DMD: variants seen among roughly 807,000 people sequenced by gnomAD.
DMD encodes mutant dystrophin.
In DMD, 63 loss-of-function variants were observed where a neutral mutation model predicts 330.1. The observed-to-expected ratio is 0.19, with a 90% CI of 0.16 to 0.24. The LOEUF is 0.24. DMD is among the 10% of genes least tolerant of loss of function. DMD has a pLI of 1.00. For missense variants in DMD, 3,344 were observed against 2,684.1 expected (o/e 1.25, Z -5.43); for synonymous variants, 1,223 against 959.8 (o/e 1.27, Z -5.07).
At chrX:32,374,945 A>T (rs1376262735) in intron 34 of DMD, among the ~76,000 whole-genome samples, 1 of 111,941 alleles carries the variant, frequency 8.9e-6, no homozygotes, top group Non-Finnish European at 1.9e-5. Context: ...TCTTGTTTAC[A>T]AAAAGGGAAA....
At chrX:32,353,815 C>A (rs1040822184) in intron 37 of DMD, among the ~76,000 whole-genome samples, 2 of 110,317 alleles carry the variant, frequency 1.8e-5, no homozygotes, top group African/African-American at 6.6e-5. Flanking sequence ...ACAGAGAAAC[C>A]GAGAAAGACA....
intron 50 of DMD, among the ~76,000 whole-genome samples, chrX:31,815,318 C>T (rs745747632): frequency 2.2e-4 from 24 of 111,081 alleles, no homozygotes; most frequent in African/African-American, 6.9e-4. Flanking sequence ...GGCGTGGTGG[C>T]GGGTGCCTAT....
At chrX:33,009,835 TATGTGTATATAC>T (rs1180814171) in intron 2 of DMD, among the ~76,000 whole-genome samples, 2 of 44,487 alleles carry the variant, frequency 4.5e-5, no homozygotes, top group African/African-American at 1.9e-4. Context: ...TATGTGTGTA[TATGTGTATATAC>T]ACACATATGT....
chrX:31,203,269 G>A (rs1345246687), intron 67 of DMD, among the ~76,000 whole-genome samples: 4 of 80,923 alleles, frequency 4.9e-5, no homozygotes, highest in Non-Finnish European at 6.6e-5. Flanking sequence ...GTGACAGAGC[G>A]AGACTGCAAC....
At position 32,452,774 on chromosome X, in the gene DMD, T is replaced by C. The variant is rs1227002431; in HGVS notation, c.3603+1888A>G. On this transcript the variant is annotated intron_variant, in intron 26 of 78. Transcript: ENST00000357033. ...GTCTTTTGAAATACTCCAATGGTTT[T>C]TCTTGTCCATTTAGAATAAAAACTG... 3.6e-5 allele frequency among the ~76,000 whole-genome samples: 4 copies of C among 111,117 alleles called. No individual in the cohort carries two copies. The Admixed American group carries it at 3.8e-4, about 11-fold the overall frequency.
At chrX:32,225,920 G>T (rs979233255) in intron 43 of DMD, among the ~76,000 whole-genome samples, 1 of 111,610 alleles carries the variant, frequency 9.0e-6, no homozygotes, top group East Asian at 2.8e-4. Flanking sequence ...TTATAGCAAT[G>T]CAAGAATGGC....
At chrX:32,102,987 A>G (rs1056632029) in intron 44 of DMD, among the ~76,000 whole-genome samples, 4 of 111,983 alleles carry the variant, frequency 3.6e-5, no homozygotes, top group Non-Finnish European at 7.5e-5. Context: ...TATAATTTAG[A>G]GAAACTATTT....
chrX:32,477,479 G>A (rs758771492), intron 21 of DMD, among the ~76,000 whole-genome samples: 2 of 110,370 alleles, frequency 1.8e-5, no homozygotes, highest in South Asian at 7.7e-4. Context: ...AGGGGCTAAA[G>A]GGAAAAGAAG....
At chrX:32,065,215 C>G (rs1262719682) in intron 44 of DMD, among the ~76,000 whole-genome samples, 1 of 111,039 alleles carries the variant, frequency 9.0e-6, no homozygotes, top group Non-Finnish European at 1.9e-5. Context: ...TAAATCACAC[C>G]ACAGGAACAT....
At chrX:33,104,423 G>T (rs1350762012) in intron 1 of DMD, among the ~76,000 whole-genome samples, 1 of 110,692 alleles carries the variant, frequency 9.0e-6, no homozygotes, top group Admixed American at 9.7e-5. Context: ...AGTGAAAATG[G>T]CCTGTTCCTG....
At chrX:31,900,421 C>T (rs2094406181) in intron 47 of DMD, among the ~76,000 whole-genome samples, 1 of 111,170 alleles carries the variant, frequency 9.0e-6, no homozygotes, top group Non-Finnish European at 1.9e-5. Context: ...TCCAAAAGCT[C>T]TCTCTTTGAC....
intron 74 of DMD, among the ~76,000 whole-genome samples, chrX:31,162,356 T>TAAAAAAAAAAAAAAAAAAAAAAAAA (rs57908991): frequency 9.9e-5 from 5 of 50,621 alleles, no homozygotes; most frequent in African/African-American, 3.3e-4. Context: ...ATGAAAAATC[T>TAAAAAAAAAAAAAAAAAAAAAAAAA]AAAAAAAAAA....
intron 44 of DMD, among the ~76,000 whole-genome samples, chrX:32,201,367 A>G (rs6631512): frequency 0.2 from 21,143 of 108,161 alleles, 1,665 homozygotes; most frequent in Admixed American, 0.32. Flanking sequence ...AAAACTGTGG[A>G]TATTTTGTTC....
rs1165786238 is a variant in DMD at position 33,162,118 on chromosome X, AT to A, written c.31+49163del. 3.6e-5 allele frequency among the ~76,000 whole-genome samples: 4 copies of A among 111,747 alleles called. No individual in the cohort carries two copies. In the Admixed American group the frequency reaches 3.8e-4, roughly 11 times the overall value. On this transcript the variant is annotated intron_variant, in intron 1 of 78. Transcript: ENST00000357033. ...AAGTTCCACAGCTAACACCTGCTAG[AT>A]TTGTAGTCTGTAAGTTGTCAAATTT... is the stretch of plus-strand genomic sequence containing the variant.
chrX:32,496,943 C>T (rs2043549007), intron 19 of DMD, among the ~76,000 whole-genome samples: 2 of 112,225 alleles, frequency 1.8e-5, no homozygotes, highest in South Asian at 7.4e-4. Context: ...TGGGCTACTA[C>T]AAGTGGTACA....
At chrX:32,952,326 A>G (rs1443802126) in intron 2 of DMD, among the ~76,000 whole-genome samples, 2 of 109,406 alleles carry the variant, frequency 1.8e-5, no homozygotes, top group Non-Finnish European at 3.8e-5. Flanking sequence ...TACAGATGGG[A>G]TTTCACCGCG....
At chrX:32,244,686 T>C (rs1450086598) in intron 43 of DMD, among the ~76,000 whole-genome samples, 1 of 93,642 alleles carries the variant, frequency 1.1e-5, no homozygotes, top group African/African-American at 4.0e-5. Context: ...CATAGTGGTT[T>C]TGATTTGCAT....
At chrX:31,622,136 T>A (rs1431272356) in intron 55 of DMD, among the ~76,000 whole-genome samples, 8 of 111,960 alleles carry the variant, frequency 7.1e-5, no homozygotes, top group Non-Finnish European at 1.3e-4. Context: ...TGCTAGACCC[T>A]GTCCAGCTCT....
At chrX:32,137,908 A>G (rs1264282661) in intron 44 of DMD, among the ~76,000 whole-genome samples, 1 of 108,787 alleles carries the variant, frequency 9.2e-6, no homozygotes, top group Admixed American at 1.0e-4. Flanking sequence ...TCAGTACTAA[A>G]TATTTCATGA....
Sources: allele counts gnomAD v4.1 joint callset (sites outside exome capture counted in the v4.1 genomes callset), GRCh38; gene constraint gnomAD v4.1.1; transcripts MANE v1.5; gene names NCBI Gene and HGNC (gene_info 2026-07-23, HGNC 2026-07-21).